The following MARK4 variants were observed in gnomAD, a reference collection of about 807,000 sequenced individuals.
MARK4 encodes the protein microtubule affinity regulating kinase 4, also known as MAP/microtubule affinity-regulating kinase 4.
A neutral mutation model predicts 81.5 loss-of-function variants in MARK4; 19 were observed. The ratio of observed to expected loss-of-function variants is 0.23; its 90% CI spans 0.16 to 0.34. MARK4 has a LOEUF of 0.34. MARK4 is among the 10% of genes least tolerant of loss of function. The pLI, the probability that MARK4 is intolerant of heterozygous loss-of-function variation, is 1.00. For missense variants in MARK4, 772 were observed against 1,058.8 expected (o/e 0.73, Z 3.76); for synonymous variants, 436 against 439.0 (o/e 0.99, Z 0.08).
chr19:45,276,800 A>ATT (rs879307312), intron 8 of MARK4, among the ~76,000 whole-genome samples: 2 of 130,246 alleles, frequency 1.5e-5, no homozygotes, highest in Non-Finnish European at 1.7e-5. Context: ...TAATTTTTGT[A>ATT]TTTTTTTTTT....
intron 15 of MARK4, among the ~76,000 whole-genome samples, chr19:45,299,032 T>G (rs1485421134): frequency 7.8e-6 from 1 of 128,274 alleles, no homozygotes; most frequent in Non-Finnish European, 1.6e-5. Context: ...GCTATGATCA[T>G]CAGTCTTGGC....
At chr19:45,265,225 G>T (rs1448655934) in intron 6 of MARK4, among the ~76,000 whole-genome samples, 1 of 152,142 alleles carries the variant, frequency 6.6e-6, no homozygotes, top group African/African-American at 2.4e-5. Flanking sequence ...GGGGCACGAA[G>T]GTGCCAGGGT....
intron 16 of MARK4, among the ~76,000 whole-genome samples, chr19:45,301,865 CAAAAA>C (rs11309011): frequency 2.4e-5 from 3 of 124,134 alleles, no homozygotes; most frequent in Admixed American, 9.1e-5. Context: ...AACTCCGTCT[CAAAAA>C]AAAAAAAAAA....
chr19:45,294,600 C>G, intron 14 of MARK4, 148 bp downstream of exon 14: 1 of 670,684 alleles, frequency 1.5e-6, no homozygotes, highest in Admixed American at 2.7e-5. Flanking sequence ...CAGAATCGAC[C>G]CATGTACCCC....
At chr19:45,282,385 G>A (rs1039879992) in intron 12 of MARK4, among the ~76,000 whole-genome samples, 6 of 151,502 alleles carry the variant, frequency 4.0e-5, no homozygotes, top group Non-Finnish European at 7.4e-5. Context: ...ACCAAACAAC[G>A]TACCCATTTA....
intron 8 of MARK4, among the ~76,000 whole-genome samples, chr19:45,275,829 C>T (rs1568495950): frequency 6.6e-6 from 1 of 152,200 alleles, no homozygotes; most frequent in African/African-American, 2.4e-5. Context: ...TAGAACACTG[C>T]CTGCTAAGGG....
intron 2 of MARK4, 149 bp from the exon 3 acceptor site, chr19:45,262,964 C>T (rs527605830): frequency 2.8e-5 from 23 of 814,664 alleles, no homozygotes; most frequent in Admixed American, 2.3e-4. Context: ...AGGGTTTCGT[C>T]GTGTTGACCA....
At chr19:45,283,268 G>A (rs1599794324) in intron 12 of MARK4, among the ~76,000 whole-genome samples, 1 of 151,702 alleles carries the variant, frequency 6.6e-6, no homozygotes, top group South Asian at 2.1e-4. Context: ...AATTAGCCGG[G>A]CGTAGTGGCA....
At chr19:45,264,458 C>T (rs1215996446) in intron 4 of MARK4, among the ~76,000 whole-genome samples, 2 of 150,876 alleles carry the variant, frequency 1.3e-5, no homozygotes, top group Non-Finnish European at 3.0e-5. Flanking sequence ...CCATTGCACT[C>T]CAGCCTGGGC....
Position 45,280,186 on chromosome 19 carries a change from T to G in MARK4, c.1007-188T>G, listed in dbSNP as rs1970652676. On this transcript the variant is annotated intron_variant, in intron 10 of 16. Coordinates refer to ENST00000262891, the MANE Select transcript of MARK4 (RefSeq NM_001199867.2). ...CAACATAGCAAAACCCTGTCTCTAC[T>G]GAAAATACAAAAACTGAGGTGGGAG... The G allele has an allele frequency of 8.8e-6, 5 of 569,574 alleles. No homozygotes were observed. The South Asian group carries it at 1.0e-4, about 11-fold the overall frequency. The allele number at this position is 569,574 out of a possible 1,614,324, so 35.3% of individuals were successfully genotyped here. A position where few individuals can be genotyped will look rare whatever the true frequency, so the allele number is the denominator to read the frequency against.
At chr19:45,284,973 C>G (rs931025218) in intron 12 of MARK4, among the ~76,000 whole-genome samples, 1 of 152,098 alleles carries the variant, frequency 6.6e-6, no homozygotes, top group African/African-American at 2.4e-5. Flanking sequence ...CACCTGTAAT[C>G]TCAGCTACTT....
intron 13 of MARK4, among the ~76,000 whole-genome samples, chr19:45,292,829 C>T (rs984892277): frequency 6.6e-6 from 1 of 151,850 alleles, no homozygotes; most frequent in African/African-American, 2.4e-5. Context: ...CCATGATCAC[C>T]CCACTGCACT....
chr19:45,257,835 G>A lies in MARK4; in HGVS notation c.52-1154G>A, dbSNP rs150348473. Among the ~76,000 whole-genome samples, 614 of 151,672 alleles carry A rather than the reference G, an allele frequency of 4.0e-3. 3 individuals are homozygous for A. The highest frequency in any genetic ancestry group is 0.014 in the African/African-American group (589 of 41,326). ...CTCCCAAGTAGCTGGGACTACAGGC[G>A]CATACTGCCACGCCTGGCTAATTTT... On this transcript the variant is annotated intron_variant, in intron 1 of 16. Transcript: ENST00000262891.
At chr19:45,281,392 A>T (rs796386403) in intron 12 of MARK4, among the ~76,000 whole-genome samples, 6 of 125,330 alleles carry the variant, frequency 4.8e-5, no homozygotes, top group African/African-American at 1.6e-4. Context: ...ACAGAGTCTC[A>T]CTCTGTATCC....
intron 7 of MARK4, among the ~76,000 whole-genome samples, chr19:45,270,462 A>G (rs1440544851): frequency 3.3e-5 from 5 of 152,122 alleles, no homozygotes; most frequent in East Asian, 1.9e-4. Context: ...GTCTTGAGCA[A>G]TCAGGCCTTA....
intron 12 of MARK4, among the ~76,000 whole-genome samples, chr19:45,285,293 G>T (rs1170807665): frequency 6.9e-6 from 1 of 145,034 alleles, no homozygotes. Flanking sequence ...AAAGAATCCA[G>T]CCCAAGTGTT....
At position 45,303,675 on chromosome 19, in the gene MARK4, T is replaced by A. The variant is rs570545461; in HGVS notation, c.*965T>A. On this transcript the variant is annotated 3_prime_UTR_variant, in exon 17 of 17. Coordinates refer to ENST00000262891, the MANE Select transcript of MARK4 (RefSeq NM_001199867.2). The stretch of plus-strand genomic sequence containing the variant: ...AGTAAATTTATTCAATAAACAATCA[T>A]TGACCCATGCCTACTCCATGCCAGG... 1.2e-4 allele frequency: 19 copies of A among 152,280 alleles called. No homozygotes were observed. The highest frequency in any genetic ancestry group is 4.6e-4 in the African/African-American group (19 of 41,552). 9.4% of individuals were successfully genotyped at this position (152,280 alleles called of 1,614,324 possible).
At chr19:45,290,350 G>C (rs1246082525) in intron 13 of MARK4, among the ~76,000 whole-genome samples, 5 of 152,226 alleles carry the variant, frequency 3.3e-5, no homozygotes, top group Non-Finnish European at 7.3e-5. Flanking sequence ...GCTGTTACCA[G>C]CATTCACCAG....
intron 4 of MARK4, among the ~76,000 whole-genome samples, 157 bp from the exon 5 acceptor site, chr19:45,264,527 G>A (rs1361000895): frequency 6.6e-6 from 1 of 151,928 alleles, no homozygotes; most frequent in Non-Finnish European, 1.5e-5. Flanking sequence ...GTGGTAGAGG[G>A]GGCTGAGGAG....
Sources: gnomAD v4.1 joint callset for allele counts (sites outside exome capture counted in the v4.1 genomes callset) on GRCh38, gnomAD v4.1.1 for gene constraint, MANE v1.5 for transcripts, NCBI Gene and HGNC (gene_info 2026-07-23, HGNC 2026-07-21) for gene names.